NOS3: variants seen among roughly 807,000 people sequenced by gnomAD.
NOS3 encodes the protein NOS type III.
In NOS3, 98 loss-of-function variants were observed where a neutral mutation model predicts 144.9. The ratio of observed to expected loss-of-function variants is 0.68; its 90% confidence interval spans 0.57 to 0.80. The LOEUF (loss-of-function observed/expected upper bound fraction) is 0.80. Ranked by LOEUF, NOS3 falls within the 30% of genes least tolerant of loss-of-function variation. NOS3 has a pLI of 0.00. For synonymous variants in NOS3, 714 were observed against 702.4 expected, an observed-to-expected ratio of 1.02 and a Z score of -0.26; for missense variants, 1,465 against 1,656.4, an observed-to-expected ratio of 0.88 and a Z score of 2.01.
rs746218989 is a variant in NOS3 at position 150,998,705 on chromosome 7, G to C, written c.816+25G>C. The C allele has an allele frequency of 6.3e-7, 1 of 1,593,272 alleles. No homozygotes were observed. The highest frequency in any genetic ancestry group is 1.3e-5 in the African/African-American group (1 of 74,802). Reference sequence around the variant, plus strand: ...GGTGGGCACCGAGGGCCACCCATGAGGGTGTCCCCAAGGTGGAGAATGAGG... The same window carrying C: ...GGTGGGCACCGAGGGCCACCCATGACGGTGTCCCCAAGGTGGAGAATGAGG... On this transcript the variant is annotated intron_variant, in intron 7 of 26. Transcript: ENST00000297494. This position sits in a 1 kb window ranked among gnomAD's most constrained non-coding sequence, Gnocchi z 5.0.
rs1020554395 is a variant in NOS3, at chr7:151,010,288, G to A, written c.2685+1G>A. On this transcript the variant is annotated splice_donor_variant, in intron 21 of 26. Transcript: ENST00000297494. LOFTEE classifies it high-confidence loss of function. ...GCAGGAGCTGGAGGCCCTCAGCCAG[G>A]TTGGGGGCCACCCCAATGAGGCACA... The A allele has an allele frequency of 6.2e-7, 1 of 1,611,386 alleles. No individual in the cohort carries two copies. The highest frequency in any genetic ancestry group is 8.5e-7 in the Non-Finnish European group (1 of 1,179,204).
chr7:150,994,053 G>A (rs1252020709), intron 2 of NOS3, 92 bp downstream of exon 2: 3 of 1,377,556 alleles, frequency 2.2e-6, no homozygotes, highest in South Asian at 2.6e-5. Context: ...TTGTAGCTGA[G>A]TCGGGAGGGC....
Position 150,999,123 on chromosome 7 carries a change from G to T in NOS3, c.956+38G>T, listed in dbSNP as rs1160441551. On this transcript the variant is annotated intron_variant, in intron 8 of 26. Transcript: ENST00000297494. ...GGGATTGACTGGGTGGGATGGAGGG[G>T]GCCATCCCTGAGCCTCTCAAGAAGG... The T allele has an allele frequency of 2.5e-6, 4 of 1,612,166 alleles. No individual in the cohort carries two copies. The African/African-American group carries it at 4.0e-5, about 16-fold the overall frequency.
chr7:150,998,598 A>G lies in NOS3; in HGVS notation c.734A>G (p.Asn245Ser). The change falls in exon 7 of 27, where the codon AAC becomes AGC. Residue 245 changes from asparagine to serine, a missense_variant. Coordinates refer to ENST00000297494, the MANE Select transcript of NOS3 (RefSeq NM_000603.5). This position sits in a 1 kb window ranked among gnomAD's most constrained non-coding sequence, Gnocchi z 5.0. ...GGCCGAGGAGACTTCCGAATCTGGA[A>G]CAGCCAGCTGGTGCGCTACGCGGGC... ...CPGRGDFRIW[N>S]SQLVRYAGYR... 3 of 1,608,836 alleles carry G rather than the reference A, an allele frequency of 1.9e-6. No homozygotes were observed. Among genetic ancestry groups the G allele is most frequent in the Non-Finnish European group, 2.5e-6 (3 of 1,178,648 alleles).
At chr7:150,997,478 C>G (rs1255905096) in intron 5 of NOS3, among the ~76,000 whole-genome samples, 1 of 152,150 alleles carries the variant, frequency 6.6e-6, no homozygotes, top group Non-Finnish European at 1.5e-5. Context: ...CGGCCCGCAC[C>G]CTCCCTCACA....
At position 150,993,141 on chromosome 7, in the gene NOS3, C is replaced by T. The variant is rs142648492; in HGVS notation, c.-51-612C>T. 3.2e-3 allele frequency among the ~76,000 whole-genome samples: 489 copies of T among 152,208 alleles called. 3 individuals carry two copies. The highest frequency in any genetic ancestry group is 0.011 in the African/African-American group (467 of 41,514). ...TTGAGTCATGGGGGTGTGGGGGTTC[C>T]AGGAAATTGGGGCTGGGAGGGGAAG... On this transcript the variant is annotated intron_variant, in intron 1 of 26. Transcript: ENST00000297494. This position sits in a 1 kb window ranked among gnomAD's most constrained non-coding sequence, Gnocchi z 4.0.
At chr7:151,008,832 A>AC (rs1795245289) in intron 17 of NOS3, 98 bp from the exon 18 acceptor site, 1 of 1,365,726 alleles carries the variant, frequency 7.3e-7, no homozygotes, top group Non-Finnish European at 9.7e-7. Context: ...GGGGCTGCCA[A>AC]CCCCCCAGGA....
chr7:150,992,525 C>G (rs1230663221), intron 1 of NOS3, among the ~76,000 whole-genome samples: 3 of 152,148 alleles, frequency 2.0e-5, no homozygotes, highest in Non-Finnish European at 4.4e-5. Flanking sequence ...TATGAGGCCC[C>G]TTCACCCTCC....
In NOS3 at chr7:151,010,462, G is replaced by T. The variant is rs560154419; in HGVS notation, c.2686-135G>T. 9.9e-5 allele frequency: 109 copies of T among 1,099,030 alleles called. 4 individuals carry two copies. In the South Asian group the frequency reaches 1.8e-3, roughly 18 times the overall value. 68.1% of individuals were successfully genotyped at this position (1,099,030 alleles called of 1,614,324 possible). On this transcript the variant is annotated intron_variant, in intron 21 of 26. Transcript: ENST00000297494. ...GAGGAATTCATGGCTGGATTCTCCA[G>T]GTCTTAGAGAAAACTCTATTGGCCT...
chr7:151,002,120 C>A lies in NOS3; in HGVS notation c.1648-80C>A. ...AGATCAAGTTGGGGCCTGAATCTTG[C>A]ACTGCCAGGGAGGCCAGAGTGAGGA... is the stretch of plus-strand genomic sequence containing the variant. On this transcript the variant is annotated intron_variant, in intron 13 of 26. Transcript: ENST00000297494. The surrounding 1 kb of genome is among the most constrained non-coding windows in gnomAD (Gnocchi z 4.1). 7.1e-7 allele frequency: 1 copy of A among 1,399,322 alleles called. No individual in the cohort carries two copies. Among genetic ancestry groups the A allele is most frequent in the Non-Finnish European group, 9.9e-7 (1 of 1,008,998 alleles). The allele number at this position is 1,399,322 out of a possible 1,614,324, so 86.7% of individuals were successfully genotyped here. A position where few individuals can be genotyped will look rare whatever the true frequency, so the allele number is the denominator to read the frequency against.
At chr7:151,001,661 G>T (rs767542836) in intron 12 of NOS3, 44 bp downstream of exon 12, 10 of 1,596,916 alleles carry the variant, frequency 6.3e-6, no homozygotes, top group Non-Finnish European at 7.7e-6. Flanking sequence ...CACCCTGGGG[G>T]CCCCACTCTC....
intron 4 of NOS3, 28 bp downstream of exon 4, chr7:150,996,580 C>G: frequency 6.4e-7 from 1 of 1,574,748 alleles, no homozygotes; most frequent in South Asian, 1.1e-5. Flanking sequence ...GCCACAGCCT[C>G]CCTTGTCCCA....
At chr7:150,992,876 C>T (rs749771602) in intron 1 of NOS3, among the ~76,000 whole-genome samples, 1 of 152,196 alleles carries the variant, frequency 6.6e-6, no homozygotes, top group African/African-American at 2.4e-5. Context: ...CAAACCCCAG[C>T]ATGCACTCTG....
In NOS3 at chr7:150,999,032, A is replaced by G. The variant is rs945123272; in HGVS notation, c.903A>G (p.Glu301=). Residue 301 remains glutamate (E), a synonymous_variant, in exon 8 of 27, where the codon GAA becomes GAG. Transcript: ENST00000297494. ...LLLQAPDDPP[E]LFLLPPELVL... ...TGCAGGCCCCAGATGATCCCCCAGA[A>G]CTCTTCCTTCTGCCCCCCGAGCTGG... 21 of 1,612,028 alleles carry G rather than the reference A, an allele frequency of 1.3e-5. No individual in the cohort carries two copies. The highest frequency in any genetic ancestry group is 1.6e-4 in the Middle Eastern group (1 of 6,082).
At position 151,013,743 on chromosome 7, in the gene NOS3, TGAGGACG is replaced by T. The variant is rs1400059097; in HGVS notation, c.3279_3285del (p.Arg1093SerfsTer75). The T allele has an allele frequency of 6.2e-7, 1 of 1,609,414 alleles. No individual in the cohort carries two copies. ...CCGCAGACCTACGTGCAGGACATCC[TGAGGACG>T]GAGCTGGCTGCGGAGGTGCACCGCG... On this transcript the variant is annotated frameshift_variant, in exon 26 of 27. Transcript: ENST00000297494. LOFTEE classifies it high-confidence loss of function.
rs1042826236 is a variant in NOS3 at position 151,009,471 on chromosome 7, G to A, written c.2398G>A (p.Gly800Ser). ...GCAGTACCAGCCGGGGGACCACATA[G>A]GTGTCTGCCCGCCCAACCGGCCCGG... ...GLQYQPGDHI[G>S]VCPPNRPGLV... Residue 800 changes from glycine (G) to serine (S), a missense_variant, in exon 20 of 27, where the codon GGT becomes AGT. Around this residue, in one of 5 missense-constraint regions of NOS3, gnomAD observed 745 missense variants for 853.9 expected, o/e 0.87. Transcript: ENST00000297494. The A allele has an allele frequency of 3.2e-6, 5 of 1,548,948 alleles. No individual in the cohort carries two copies. Among genetic ancestry groups the A allele is most frequent in the Non-Finnish European group, 4.4e-6 (5 of 1,146,812 alleles).
chr7:151,008,653 T>C (rs1439935255), intron 17 of NOS3, among the ~76,000 whole-genome samples: 2 of 152,176 alleles, frequency 1.3e-5, no homozygotes, highest in African/African-American at 2.4e-5. Flanking sequence ...AGCTACCGTG[T>C]GCCAAGCACT....
intron 4 of NOS3, 105 bp downstream of exon 4, chr7:150,996,657 G>A (rs557718160): frequency 2.3e-5 from 34 of 1,482,012 alleles, no homozygotes; most frequent in South Asian, 2.2e-4. Context: ...CTAACACCAC[G>A]TGGGCCCCTC....
rs1802291303 is a variant in NOS3, at chr7:150,993,163, G to A, written c.-51-590G>A. On this transcript the variant is annotated intron_variant, in intron 1 of 26. Transcript: ENST00000297494. The surrounding 1 kb of genome is among the most constrained non-coding windows in gnomAD (Gnocchi z 4.0). ...TTCCAGGAAATTGGGGCTGGGAGGGGAAGGGATACCCTAATGTCAGACTCA... is the reference window on the plus strand; with the variant it reads ...TTCCAGGAAATTGGGGCTGGGAGGGAAAGGGATACCCTAATGTCAGACTCA... Among the ~76,000 whole-genome samples, 1 of 152,176 alleles carries A rather than the reference G, an allele frequency of 6.6e-6. No homozygotes were observed. The highest frequency in any genetic ancestry group is 1.5e-5 in the Non-Finnish European group (1 of 68,022).
Sources: gnomAD v4.1 joint callset for allele counts (sites outside exome capture counted in the v4.1 genomes callset) on GRCh38, gnomAD v4.1.1 for gene constraint, gnomAD v4.1.1 regional missense constraint, Gnocchi (gnomAD v3.1) non-coding constraint, MANE v1.5 for transcripts, NCBI Gene and HGNC (gene_info 2026-07-23, HGNC 2026-07-21) for gene names.